LPL: variants seen among roughly 807,000 people sequenced by gnomAD.
LPL encodes the protein lipoprotein lipase, also known as phospholipase A1.
A neutral mutation model predicts 52.2 loss-of-function variants in LPL; 43 were observed. That is an observed-to-expected ratio of 0.82 (90% CI 0.64 to 1.06). The LOEUF is 1.06. LPL is among the 50% of genes least tolerant of loss of function. The pLI is 0.00. For synonymous variants in LPL, 244 were observed against 215.6 expected (o/e 1.13, Z -1.15); for missense variants, 639 against 585.3 (o/e 1.09, Z -0.95).
At chr8:19,964,808 G>C (rs933265048) in intron 9 of LPL, among the ~76,000 whole-genome samples, 4 of 152,130 alleles carry the variant, frequency 2.6e-5, no homozygotes, top group Non-Finnish European at 5.9e-5. Flanking sequence ...GGGATTACAG[G>C]CATGAGCCAC....
chr8:19,940,141 C>A (rs753749530), intron 1 of LPL, among the ~76,000 whole-genome samples: 1 of 152,174 alleles, frequency 6.6e-6, no homozygotes, highest in African/African-American at 2.4e-5. Context: ...AGAAAGTACG[C>A]GTGGCGCGGA....
intron 1 of LPL, among the ~76,000 whole-genome samples, chr8:19,946,345 T>G (rs1028685308): frequency 5.9e-5 from 9 of 152,144 alleles, no homozygotes; most frequent in African/African-American, 2.2e-4. Context: ...TGTGCACGTG[T>G]GTGTGTATGT....
intron 8 of LPL, among the ~76,000 whole-genome samples, chr8:19,961,465 A>C (rs319): frequency 0.19 from 28,998 of 151,874 alleles, 3,163 homozygotes; most frequent in Non-Finnish European, 0.24. Flanking sequence ...CAACCTCTTC[A>C]AGAAGGGTGA....
At chr8:19,964,441 GC>G (rs1744440003) in intron 9 of LPL, among the ~76,000 whole-genome samples, 1 of 152,172 alleles carries the variant, frequency 6.6e-6, no homozygotes, top group South Asian at 2.1e-4. Context: ...ATCTGAGAAA[GC>G]CTAATGAAGC....
chr8:19,958,284 A>C (rs2070005332), intron 6 of LPL, among the ~76,000 whole-genome samples: 1 of 152,066 alleles, frequency 6.6e-6, no homozygotes, highest in Non-Finnish European at 1.5e-5. Flanking sequence ...GGCCTCCCAA[A>C]GTGCTGGGAT....
rs1322156489 is a variant in LPL, at chr8:19,950,448, A to G, written c.250-1321A>G. On this transcript the variant is annotated intron_variant, in intron 2 of 9. Coordinates refer to ENST00000650287, the MANE Select transcript of LPL (RefSeq NM_000237.3). The surrounding 1 kb of genome is among the most constrained non-coding windows in gnomAD (Gnocchi z 4.2). ...TTCAATTAGCTATTGTTCGGTTAAT[A>G]AAAATGTCAGCCACTGTAGGAGTAA... Among the ~76,000 whole-genome samples, 4 of 152,200 alleles carry G rather than the reference A, an allele frequency of 2.6e-5. No homozygotes were observed. The highest frequency in any genetic ancestry group is 5.9e-5 in the Non-Finnish European group (4 of 68,030).
intron 2 of LPL, among the ~76,000 whole-genome samples, chr8:19,948,760 T>C (rs1258628002): frequency 6.6e-6 from 1 of 152,016 alleles, no homozygotes; most frequent in African/African-American, 2.4e-5. Context: ...AGTGAGGAAG[T>C]GTGGCGTCCA....
At position 19,939,334 on chromosome 8, in the gene LPL, G is replaced by C. The variant is rs542429534; in HGVS notation, c.-107G>C. The C allele has an allele frequency of 8.5e-6, 9 of 1,063,006 alleles. No homozygotes were observed. The African/African-American group carries it at 1.3e-4, about 15-fold the overall frequency. The allele number at this position is 1,063,006 out of a possible 1,614,324, so 65.8% of individuals were successfully genotyped here. On this transcript the variant is annotated 5_prime_UTR_variant, in exon 1 of 10. Transcript: ENST00000650287. The surrounding 1 kb of genome is among the most constrained non-coding windows in gnomAD (Gnocchi z 4.0). The stretch of plus-strand genomic sequence containing the variant: ...TGCCCTGCCATCCCCTTTAAAGGGC[G>C]ACTTGCTCAGCGCCAAACCGCGGCT...
In LPL at chr8:19,939,627, G is replaced by T; in HGVS notation, c.88+99G>T. 1 of 1,259,470 alleles carries T rather than the reference G, an allele frequency of 7.9e-7. No individual in the cohort carries two copies. Among genetic ancestry groups the T allele is most frequent in the South Asian group, 1.3e-5 (1 of 76,648 alleles). The allele number at this position is 1,259,470 out of a possible 1,614,324, so 78.0% of individuals were successfully genotyped here. A position where few individuals can be genotyped will look rare whatever the true frequency, so the allele number is the denominator to read the frequency against. ...GAAGAAGGAAGTTGGAAGGGGCGGTGGATGCGCCCAGGGACTCTCCCAGCC... is the reference window on the plus strand; with the variant it reads ...GAAGAAGGAAGTTGGAAGGGGCGGTTGATGCGCCCAGGGACTCTCCCAGCC... On this transcript the variant is annotated intron_variant, in intron 1 of 9. Coordinates refer to ENST00000650287, the MANE Select transcript of LPL (RefSeq NM_000237.3). This position sits in a 1 kb window ranked among gnomAD's most constrained non-coding sequence, Gnocchi z 4.0.
intron 1 of LPL, among the ~76,000 whole-genome samples, chr8:19,941,083 C>A (rs1310082774): frequency 1.3e-5 from 2 of 152,192 alleles, no homozygotes; most frequent in Non-Finnish European, 2.9e-5. Context: ...CAGTGAGACC[C>A]TGTCTCATAA....
chr8:19,953,123 A>G (rs1254408151), intron 3 of LPL, among the ~76,000 whole-genome samples, 187 bp from the exon 4 acceptor site: 2 of 152,198 alleles, frequency 1.3e-5, no homozygotes, highest in Non-Finnish European at 2.9e-5. Flanking sequence ...AAGTGAAACA[A>G]AAGAAAAAGA....
chr8:19,946,681 C>A (rs1344751750), intron 1 of LPL: 2 of 167,438 alleles, frequency 1.2e-5, no homozygotes, highest in African/African-American at 4.8e-5. Flanking sequence ...CAAGTTATTA[C>A]CTTCTTACAG....
At chr8:19,945,685 G>T (rs1275212993) in intron 1 of LPL, among the ~76,000 whole-genome samples, 5 of 152,042 alleles carry the variant, frequency 3.3e-5, no homozygotes, top group Non-Finnish European at 7.4e-5. Flanking sequence ...GAAAATTTGT[G>T]GTCATTTCAA....
chr8:19,946,487 T>G, intron 1 of LPL: 1 of 208,742 alleles, frequency 4.8e-6, no homozygotes, highest in Admixed American at 5.9e-5. Context: ...ATGCCTATTC[T>G]TTCACTGTTC....
At position 19,960,950 on chromosome 8, in the gene LPL, G is replaced by A; in HGVS notation, c.1189G>A (p.Val397Ile). ...CTACTCCTTCCTAATTTACACAGAG[G>A]TAGATATTGGAGAACTACTCATGTT... ...KTYSFLIYTE[V>I]DIGELLMLKL... Residue 397 changes from valine to isoleucine, a missense_variant, in exon 8 of 10, where the codon GTA (valine) becomes ATA (isoleucine). Transcript: ENST00000650287. 4 of 1,614,016 alleles carry A rather than the reference G, an allele frequency of 2.5e-6. No homozygotes were observed. The highest frequency in any genetic ancestry group is 2.5e-6 in the Non-Finnish European group (3 of 1,179,928).
intron 2 of LPL, among the ~76,000 whole-genome samples, chr8:19,951,265 G>C (rs112433794): frequency 2.0e-5 from 3 of 152,156 alleles, no homozygotes; most frequent in Non-Finnish European, 4.4e-5. Flanking sequence ...CTGAAACAGG[G>C]AGACATTAAC....
intron 6 of LPL, among the ~76,000 whole-genome samples, chr8:19,957,895 A>T (rs1202084007): frequency 6.6e-6 from 1 of 152,140 alleles, no homozygotes; most frequent in African/African-American, 2.4e-5. Flanking sequence ...GTCTCAGCTT[A>T]AGAGAAAATA....
intron 2 of LPL, chr8:19,948,574 G>C: frequency 2.0e-6 from 1 of 507,910 alleles, no homozygotes; most frequent in Non-Finnish European, 3.5e-6. Flanking sequence ...GTGCCCTTGA[G>C]CCAGAGCTTC....
At position 19,962,198 on chromosome 8, in the gene LPL, C is replaced by T. The variant is rs2070045584; in HGVS notation, c.1406C>T (p.Ser469Phe). 4 of 1,613,680 alleles carry T rather than the reference C, an allele frequency of 2.5e-6. No homozygotes were observed. Among genetic ancestry groups the T allele is most frequent in the Non-Finnish European group, 3.4e-6 (4 of 1,179,694 alleles). The change falls in exon 9 of 10, where the codon TCT becomes TTT. Residue 469 changes from serine to phenylalanine, a missense_variant. Ser to Phe is a radical substitution (Grantham distance 155, BLOSUM62 -2). Transcript: ENST00000650287. ...PAVFVKCHDK[S>F]LNKKSG Reference sequence around the variant, plus strand: ...GTATTTGTGAAATGCCATGACAAGTCTCTGAATAAGAAGTCAGGCTGGTGA... The same window carrying T: ...GTATTTGTGAAATGCCATGACAAGTTTCTGAATAAGAAGTCAGGCTGGTGA...
Sources: gnomAD v4.1 joint callset for allele counts (sites outside exome capture counted in the v4.1 genomes callset) on GRCh38, gnomAD v4.1.1 for gene constraint, Gnocchi (gnomAD v3.1) non-coding constraint, MANE v1.5 for transcripts, NCBI Gene and HGNC (gene_info 2026-07-23, HGNC 2026-07-21) for gene names.